The following ZFYVE9 variants were observed in gnomAD, a reference collection of about 807,000 sequenced individuals.
The protein encoded by ZFYVE9 is zinc finger FYVE-type containing 9, also known as zinc finger FYVE domain-containing protein 9.
A neutral mutation model predicts 126.7 loss-of-function variants in ZFYVE9; 43 were observed. The ratio of observed to expected loss-of-function variants is 0.34; its 90% CI spans 0.27 to 0.44. The LOEUF is 0.44. Among genes scored for constraint, ZFYVE9 ranks in the 20% least tolerant of loss-of-function variants. The pLI, the probability that ZFYVE9 is intolerant of heterozygous loss-of-function variation, is 1.00. For synonymous variants in ZFYVE9, 521 were observed against 597.4 expected (o/e 0.87, Z 1.87); for missense variants, 1,476 against 1,697.0 (o/e 0.87, Z 2.29).
chr1:52,278,481 T>C lies in ZFYVE9; in HGVS notation c.2747-11T>C, dbSNP rs1373067463. On this transcript the variant is annotated splice_polypyrimidine_tract_variant and intron_variant, in intron 8 of 18. Transcript: ENST00000287727. The stretch of plus-strand genomic sequence containing the variant: ...TTAACCAATCTATTACATTGTTTTC[T>C]CCCCTTTCAGACTATGCTGTGGAAG... 7 of 1,613,956 alleles carry C rather than the reference T, an allele frequency of 4.3e-6. No homozygotes were observed. Among genetic ancestry groups the C allele is most frequent in the Non-Finnish European group, 5.9e-6 (7 of 1,179,978 alleles).
At chr1:52,329,731 C>T (rs944480418) in intron 13 of ZFYVE9, among the ~76,000 whole-genome samples, 15 of 152,014 alleles carry the variant, frequency 9.9e-5, no homozygotes, top group African/African-American at 3.4e-4. Context: ...CGGTGAAATC[C>T]CGTCTCTACT....
At chr1:52,210,687 C>T (rs1005615469) in intron 1 of ZFYVE9, among the ~76,000 whole-genome samples, 2 of 152,138 alleles carry the variant, frequency 1.3e-5, no homozygotes, top group African/African-American at 2.4e-5. Context: ...CATAGTCTCA[C>T]TGTGTTGCCC....
At chr1:52,155,184 A>G (rs1472453197) in intron 1 of ZFYVE9, among the ~76,000 whole-genome samples, 1 of 149,206 alleles carries the variant, frequency 6.7e-6, no homozygotes, top group Non-Finnish European at 1.5e-5. Flanking sequence ...GAAGCATTGT[A>G]TCTCTTAATA....
chr1:52,237,361 C>T, intron 3 of ZFYVE9, 127 bp from the exon 4 acceptor site: 1 of 869,378 alleles, frequency 1.2e-6, no homozygotes, highest in Non-Finnish European at 1.7e-6. Context: ...TTTTTTAGCC[C>T]CGAATTAGAA....
chr1:52,188,593 G>A (rs575466171), intron 1 of ZFYVE9, among the ~76,000 whole-genome samples: 110 of 152,136 alleles, frequency 7.2e-4, no homozygotes, highest in African/African-American at 2.4e-3. Context: ...TTGTAATTTT[G>A]TACAAAAAAT....
At chr1:52,309,817 G>A (rs1646121232) in intron 13 of ZFYVE9, among the ~76,000 whole-genome samples, 1 of 152,102 alleles carries the variant, frequency 6.6e-6, no homozygotes, top group African/African-American at 2.4e-5. Context: ...GAGGGAGGGA[G>A]GGACTAAGGA....
chr1:52,329,775 A>G (rs1646323212), intron 13 of ZFYVE9, among the ~76,000 whole-genome samples: 1 of 152,066 alleles, frequency 6.6e-6, no homozygotes, highest in Non-Finnish European at 1.5e-5. Context: ...CATGGTGGCC[A>G]GCACCTGTAA....
At chr1:52,322,130 C>G (rs553553251) in intron 13 of ZFYVE9, among the ~76,000 whole-genome samples, 2 of 152,188 alleles carry the variant, frequency 1.3e-5, no homozygotes, top group Non-Finnish European at 2.9e-5. Flanking sequence ...GTGCTGTCAT[C>G]TTTCCAGTTA....
intron 13 of ZFYVE9, 33 bp downstream of exon 13, chr1:52,303,958 G>A: frequency 6.8e-7 from 1 of 1,473,538 alleles, no homozygotes; most frequent in Non-Finnish European, 9.2e-7. Context: ...ATTTTTCATA[G>A]TTGAAAACAT....
chr1:52,230,838 A>G (rs1333434429), intron 2 of ZFYVE9, among the ~76,000 whole-genome samples: 1 of 152,202 alleles, frequency 6.6e-6, no homozygotes, highest in Non-Finnish European at 1.5e-5. Context: ...TGACAGGTTA[A>G]TCACTTGCTG....
intron 1 of ZFYVE9, among the ~76,000 whole-genome samples, chr1:52,175,401 T>A (rs371961457): frequency 2.0e-4 from 30 of 151,992 alleles, no homozygotes; most frequent in African/African-American, 5.8e-4. Flanking sequence ...CTTCCCTTTG[T>A]GGGTAACCCG....
intron 1 of ZFYVE9, among the ~76,000 whole-genome samples, chr1:52,178,784 G>T (rs2124536351): frequency 6.6e-6 from 1 of 152,182 alleles, no homozygotes; most frequent in East Asian, 1.9e-4. Context: ...ATCTAGAATG[G>T]ATAGGAAGGG....
At chr1:52,304,254 A>C (rs1306039586) in intron 13 of ZFYVE9, among the ~76,000 whole-genome samples, 1 of 151,690 alleles carries the variant, frequency 6.6e-6, no homozygotes, top group Admixed American at 6.6e-5. Flanking sequence ...TACTATAAAT[A>C]TTTATTTATT....
intron 10 of ZFYVE9, among the ~76,000 whole-genome samples, chr1:52,292,040 AG>A (rs1645925714): frequency 1.3e-5 from 2 of 152,100 alleles, no homozygotes; most frequent in African/African-American, 4.8e-5. Context: ...GCACTTTGGG[AG>A]GCCAAGGCAG....
At chr1:52,153,557 C>T (rs1644375935) in intron 1 of ZFYVE9, among the ~76,000 whole-genome samples, 3 of 152,198 alleles carry the variant, frequency 2.0e-5, no homozygotes, top group South Asian at 4.1e-4. Flanking sequence ...TCATCTGAGT[C>T]CCACACATAT....
chr1:52,287,094 A>T (rs1325203514), intron 10 of ZFYVE9, among the ~76,000 whole-genome samples: 2 of 152,028 alleles, frequency 1.3e-5, no homozygotes, highest in African/African-American at 2.4e-5. Context: ...TAATTTAATT[A>T]ATTTATTTAT....
intron 1 of ZFYVE9, among the ~76,000 whole-genome samples, chr1:52,155,320 G>T (rs553365159): frequency 6.9e-6 from 1 of 145,048 alleles, no homozygotes; most frequent in African/African-American, 2.6e-5. Flanking sequence ...TGCAGGCTCC[G>T]CCCCCCGGGG....
intron 1 of ZFYVE9, among the ~76,000 whole-genome samples, chr1:52,149,459 G>A (rs1400109804): frequency 6.6e-6 from 1 of 152,062 alleles, no homozygotes; most frequent in African/African-American, 2.4e-5. Context: ...TAACTCTACT[G>A]AAACATTTCT....
Position 52,278,344 on chromosome 1 carries a change from C to T in ZFYVE9, c.2747-148C>T, listed in dbSNP as rs553172676. The T allele has an allele frequency of 1.1e-3, 1,048 of 969,752 alleles. 17 individuals are homozygous for T. In the South Asian group the frequency reaches 0.016, roughly 14 times the overall value. 60.1% of individuals were successfully genotyped at this position (969,752 alleles called of 1,614,324 possible). A position where few individuals can be genotyped will look rare whatever the true frequency, so the allele number is the denominator to read the frequency against. On this transcript the variant is annotated intron_variant, in intron 8 of 18. Coordinates refer to ENST00000287727, the MANE Select transcript of ZFYVE9 (RefSeq NM_004799.4). ...GGGCACTATTAATTTGATACTGAGC[C>T]AGCAGATACAAACCATGCTCTGTAT...
Sources: gnomAD v4.1 joint callset for allele counts (sites outside exome capture counted in the v4.1 genomes callset) on GRCh38, gnomAD v4.1.1 for gene constraint, MANE v1.5 for transcripts, NCBI Gene and HGNC (gene_info 2026-07-23, HGNC 2026-07-21) for gene names.